SPIDR: variants seen among roughly 807,000 people sequenced by gnomAD.
SPIDR encodes DNA repair-scaffolding protein.
SPIDR carries 93 observed loss-of-function variants against 104.6 expected under a neutral mutation model. The ratio of observed to expected loss-of-function variants is 0.89; its 90% CI spans 0.75 to 1.06. SPIDR has a LOEUF of 1.06. Among genes scored for constraint, SPIDR ranks in the 50% least tolerant of loss-of-function variants. The pLI is 0.00. For synonymous variants in SPIDR, 431 were observed against 416.9 expected (o/e 1.03, Z -0.41); for missense variants, 1,154 against 1,111.2 (o/e 1.04, Z -0.55).
chr8:47,637,762 G>T (rs552507162), intron 10 of SPIDR, among the ~76,000 whole-genome samples: 1 of 152,256 alleles, frequency 6.6e-6, no homozygotes, highest in South Asian at 2.1e-4. Flanking sequence ...CCTCCCTGAG[G>T]TAGTACTTGT....
At chr8:47,734,449 C>T (rs2085832766) in intron 19 of SPIDR, among the ~76,000 whole-genome samples, 1 of 152,156 alleles carries the variant, frequency 6.6e-6, no homozygotes, top group South Asian at 2.1e-4. Flanking sequence ...CAGCCTCAGT[C>T]TCTTTGGCCA....
chr8:47,387,428 A>G (rs2154304596), intron 5 of SPIDR, among the ~76,000 whole-genome samples: 1 of 152,244 alleles, frequency 6.6e-6, no homozygotes, highest in South Asian at 2.1e-4. Context: ...GGAGTGGAGC[A>G]AGAGACCAGC....
At chr8:47,582,077 C>G (rs924089865) in intron 8 of SPIDR, among the ~76,000 whole-genome samples, 1 of 152,044 alleles carries the variant, frequency 6.6e-6, no homozygotes, top group Non-Finnish European at 1.5e-5. Flanking sequence ...ATTAGCCAGG[C>G]GTGGTGGCGG....
intron 8 of SPIDR, among the ~76,000 whole-genome samples, chr8:47,504,430 C>T (rs1435704311): frequency 1.3e-5 from 2 of 152,162 alleles, no homozygotes; most frequent in African/African-American, 2.4e-5. Flanking sequence ...ATCGAATCGG[C>T]TACTGAGGCT....
Position 47,419,817 on chromosome 8 carries a change from C to T in SPIDR, c.877+11856C>T, listed in dbSNP as rs556401064. ...ATGTCCCAGAGATTCCGGTATGTTG[C>T]GTCTTTGTTCTCGTTGGTTTCAAAG... On this transcript the variant is annotated intron_variant, in intron 7 of 19. Transcript: ENST00000297423. Among the ~76,000 whole-genome samples, 14 of 151,808 alleles carry T rather than the reference C, an allele frequency of 9.2e-5. No homozygotes were observed. The East Asian group carries it at 9.7e-4, about 10-fold the overall frequency.
chr8:47,466,706 CAA>C (rs78296344), intron 8 of SPIDR, among the ~76,000 whole-genome samples: 1 of 134,976 alleles, frequency 7.4e-6, no homozygotes, highest in Non-Finnish European at 1.6e-5. Context: ...ACGAAAAATA[CAA>C]AAAAAAAAAA....
intron 11 of SPIDR, among the ~76,000 whole-genome samples, chr8:47,696,812 A>T (rs1438761317): frequency 6.6e-6 from 1 of 152,212 alleles, no homozygotes; most frequent in Non-Finnish European, 1.5e-5. Flanking sequence ...CCTACAAGGG[A>T]GGAAGATGAA....
At position 47,399,308 on chromosome 8, in the gene SPIDR, C is replaced by T. The variant is rs568068537; in HGVS notation, c.776+2682C>T. On this transcript the variant is annotated intron_variant, in intron 6 of 19. Transcript: ENST00000297423. Reference sequence around the variant, plus strand: ...TCAGAGTGTGCACCCATGGCCAGGGCGGGCAGCACCCATGCAGGTGCCAGG... The same window carrying T: ...TCAGAGTGTGCACCCATGGCCAGGGTGGGCAGCACCCATGCAGGTGCCAGG... 1.7e-4 allele frequency among the ~76,000 whole-genome samples: 26 copies of T among 152,218 alleles called. No homozygotes were observed. The East Asian group carries it at 3.1e-3, about 18-fold the overall frequency.
intron 7 of SPIDR, among the ~76,000 whole-genome samples, chr8:47,429,813 T>TTTTTA: frequency 6.6e-6 from 1 of 151,546 alleles, no homozygotes; most frequent in East Asian, 1.9e-4. Flanking sequence ...ATATATATTT[T>TTTTTA]TTTTATTTTA....
intron 8 of SPIDR, among the ~76,000 whole-genome samples, chr8:47,541,423 C>T (rs2088111052): frequency 6.6e-6 from 1 of 152,118 alleles, no homozygotes; most frequent in African/African-American, 2.4e-5. Context: ...ACTTTTGAAA[C>T]AGTTTAAAAT....
intron 6 of SPIDR, among the ~76,000 whole-genome samples, chr8:47,397,541 C>T (rs2061378973): frequency 6.6e-6 from 1 of 152,116 alleles, no homozygotes; most frequent in Non-Finnish European, 1.5e-5. Context: ...CTGTAGGAAG[C>T]ATTGCCACAA....
intron 8 of SPIDR, among the ~76,000 whole-genome samples, chr8:47,516,008 A>C (rs576773312): frequency 6.6e-6 from 1 of 152,102 alleles, no homozygotes; most frequent in Non-Finnish European, 1.5e-5. Flanking sequence ...ACAGGGTTTC[A>C]CCGTATTAGC....
chr8:47,396,636 T>C lies in SPIDR; in HGVS notation c.776+10T>C, dbSNP rs1554658803. On this transcript the variant is annotated intron_variant, in intron 6 of 19. Transcript: ENST00000297423. Reference sequence around the variant, plus strand: ...AGAAGAAGCTTTTAAGGTTAAATTATACCCTTTTAAATACTCTTTTTAAAT... The same window carrying C: ...AGAAGAAGCTTTTAAGGTTAAATTACACCCTTTTAAATACTCTTTTTAAAT... 1.3e-6 allele frequency: 2 copies of C among 1,598,948 alleles called. No individual in the cohort carries two copies. Among genetic ancestry groups the C allele is most frequent in the East Asian group, 2.2e-5 (1 of 44,750 alleles).
rs1053979082 is a variant in SPIDR at position 47,619,823 on chromosome 8, A to G, written c.1544+20627A>G. On this transcript the variant is annotated intron_variant, in intron 10 of 19. Transcript: ENST00000297423. ...CTTTAATGTCTTTAAGAGCAACTCT[A>G]TTAATATTAGTTACAAAATAATTTT... 3.3e-5 allele frequency among the ~76,000 whole-genome samples: 5 copies of G among 152,062 alleles called. No homozygotes were observed. The South Asian group carries it at 8.3e-4, about 25-fold the overall frequency.
intron 10 of SPIDR, among the ~76,000 whole-genome samples, chr8:47,636,033 A>T (rs2067871146): frequency 6.6e-6 from 1 of 152,166 alleles, no homozygotes; most frequent in Admixed American, 6.5e-5. Flanking sequence ...TAGAGCATTT[A>T]TTTACTACTT....
intron 8 of SPIDR, among the ~76,000 whole-genome samples, chr8:47,497,151 A>C (rs1367236115): frequency 6.6e-6 from 1 of 152,030 alleles, no homozygotes; most frequent in African/African-American, 2.4e-5. Context: ...TGGTCTTTTC[A>C]AACAACCATC....
intron 8 of SPIDR, among the ~76,000 whole-genome samples, chr8:47,595,227 T>C (rs933671129): frequency 3.3e-5 from 5 of 152,212 alleles, no homozygotes; most frequent in African/African-American, 1.2e-4. Flanking sequence ...ATTTTTAATA[T>C]TAAGCAGCGC....
intron 10 of SPIDR, among the ~76,000 whole-genome samples, chr8:47,652,211 A>G (rs1025074149): frequency 2.0e-5 from 3 of 152,238 alleles, no homozygotes; most frequent in African/African-American, 7.2e-5. Context: ...TGTGAGGCCC[A>G]CACTTTCTCA....
intron 5 of SPIDR, chr8:47,360,847 C>T: frequency 2.0e-6 from 2 of 985,412 alleles, no homozygotes; most frequent in Non-Finnish European, 2.4e-6. Context: ...GTGGTGTTTT[C>T]AGCCTTCTTC....
Sources: allele counts gnomAD v4.1 joint callset (sites outside exome capture counted in the v4.1 genomes callset), GRCh38; gene constraint gnomAD v4.1.1; transcripts MANE v1.5; gene names NCBI Gene and HGNC (gene_info 2026-07-23, HGNC 2026-07-21).